Variants in PTPRG observed in about 807,000 individuals in gnomAD.
PTPRG encodes the protein protein tyrosine phosphatase receptor type G.
In PTPRG, 102 loss-of-function variants were observed where a neutral mutation model predicts 165.3. That is an observed-to-expected ratio of 0.62 (90% CI 0.53 to 0.73). The LOEUF (loss-of-function observed/expected upper bound fraction) is 0.73. PTPRG is among the 30% of genes least tolerant of loss of function. The pLI is 0.00. For missense variants in PTPRG, 1,866 were observed against 1,861.4 expected, an observed-to-expected ratio of 1.00 and a Z score of -0.05; for synonymous variants, 675 against 669.5, an observed-to-expected ratio of 1.01 and a Z score of -0.13.
chr3:61,893,160 C>G (rs1344576342), intron 2 of PTPRG, among the ~76,000 whole-genome samples: 1 of 152,116 alleles, frequency 6.6e-6, no homozygotes, highest in African/African-American at 2.4e-5. Flanking sequence ...TTGGAGTGCT[C>G]TCAGTACAGA....
intron 2 of PTPRG, among the ~76,000 whole-genome samples, chr3:61,858,041 T>G (rs2037161938): frequency 6.6e-6 from 1 of 152,252 alleles, no homozygotes; most frequent in Non-Finnish European, 1.5e-5. Flanking sequence ...AACCACTGGC[T>G]TAAACTGATA....
chr3:61,771,141 A>G (rs946328646), intron 2 of PTPRG: 1 of 152,138 alleles, frequency 6.6e-6, no homozygotes, highest in Non-Finnish European at 1.5e-5. Flanking sequence ...TGCCTTTTTT[A>G]TGCAGAACAA....
chr3:61,951,491 C>A (rs951442743), intron 2 of PTPRG, among the ~76,000 whole-genome samples: 3 of 152,092 alleles, frequency 2.0e-5, no homozygotes, highest in African/African-American at 7.2e-5. Context: ...AAGAAGTATT[C>A]TTCTTTGTAT....
chr3:61,689,490 G>C (rs1450963075), intron 1 of PTPRG, among the ~76,000 whole-genome samples: 2 of 152,276 alleles, frequency 1.3e-5, no homozygotes, highest in South Asian at 2.1e-4. Flanking sequence ...TAAATACATA[G>C]GCCATTACTC....
intron 2 of PTPRG, among the ~76,000 whole-genome samples, chr3:61,978,889 G>C (rs1211094878): frequency 6.6e-6 from 1 of 152,134 alleles, no homozygotes; most frequent in Non-Finnish European, 1.5e-5. Context: ...CCGTTTTGGA[G>C]CATGGTTTAG....
chr3:62,242,609 C>T (rs1701186077), intron 14 of PTPRG, among the ~76,000 whole-genome samples: 1 of 152,184 alleles, frequency 6.6e-6, no homozygotes, highest in Non-Finnish European at 1.5e-5. Flanking sequence ...CTTTGTAACT[C>T]TGTGGTCTCT....
At chr3:61,639,947 G>A (rs1702018087) in intron 1 of PTPRG, among the ~76,000 whole-genome samples, 1 of 152,136 alleles carries the variant, frequency 6.6e-6, no homozygotes, top group South Asian at 2.1e-4. Context: ...GAATAGGAGT[G>A]TTGAAAGTGG....
At chr3:62,043,935 G>A (rs1010639076) in intron 4 of PTPRG, among the ~76,000 whole-genome samples, 10 of 152,204 alleles carry the variant, frequency 6.6e-5, no homozygotes, top group African/African-American at 2.4e-4. Flanking sequence ...TAGTTGGCAT[G>A]TACAGGGAGC....
At chr3:62,142,638 A>G (rs761904635) in intron 6 of PTPRG, among the ~76,000 whole-genome samples, 2 of 152,282 alleles carry the variant, frequency 1.3e-5, no homozygotes, top group African/African-American at 2.4e-5. Flanking sequence ...CTTTCTTACC[A>G]TAACTACCCC....
chr3:62,059,446 G>A lies in PTPRG; in HGVS notation c.520-18717G>A, dbSNP rs573404849. On this transcript the variant is annotated intron_variant, in intron 4 of 29. Transcript: ENST00000474889. ...AGAATTCAGCTTTTGATCTTACCTTGTAAGAAATATGGACCGAGACCTGGT... is the reference window on the plus strand; with the variant it reads ...AGAATTCAGCTTTTGATCTTACCTTATAAGAAATATGGACCGAGACCTGGT... Among the ~76,000 whole-genome samples, 87 of 152,336 alleles carry A rather than the reference G, an allele frequency of 5.7e-4. 1 individual carries two copies. Among genetic ancestry groups the A allele is most frequent in the African/African-American group, 2.0e-3 (84 of 41,582 alleles).
intron 1 of PTPRG, among the ~76,000 whole-genome samples, chr3:61,685,278 C>G (rs1703587069): frequency 6.6e-6 from 1 of 152,186 alleles, no homozygotes; most frequent in African/African-American, 2.4e-5. Context: ...AGGAAGACAT[C>G]AAATGCCTTA....
intron 2 of PTPRG, among the ~76,000 whole-genome samples, chr3:61,938,445 T>A (rs1254194925): frequency 6.6e-6 from 1 of 152,206 alleles, no homozygotes; most frequent in East Asian, 1.9e-4. Context: ...TGATGTAAAT[T>A]GAAATTTATT....
At chr3:61,808,314 G>T (rs573602999) in intron 2 of PTPRG, among the ~76,000 whole-genome samples, 1 of 152,308 alleles carries the variant, frequency 6.6e-6, no homozygotes, top group African/African-American at 2.4e-5. Flanking sequence ...TTAAGATGTG[G>T]AGTGAACTGG....
At chr3:61,588,363 A>G (rs750799248) in intron 1 of PTPRG, among the ~76,000 whole-genome samples, 5 of 152,064 alleles carry the variant, frequency 3.3e-5, no homozygotes, top group Non-Finnish European at 5.9e-5. Context: ...CATTCCAGAA[A>G]TACAAAATTT....
intron 4 of PTPRG, among the ~76,000 whole-genome samples, chr3:62,076,753 G>A (rs1378928633): frequency 6.7e-6 from 1 of 150,272 alleles, no homozygotes; most frequent in Non-Finnish European, 1.5e-5. Flanking sequence ...GGCTAATTTT[G>A]TATTTTTTGT....
At chr3:62,145,148 TG>T (rs1408389136) in intron 6 of PTPRG, among the ~76,000 whole-genome samples, 1 of 152,232 alleles carries the variant, frequency 6.6e-6, no homozygotes, top group African/African-American at 2.4e-5. Context: ...CAGACACTAT[TG>T]CGTAGTGGGT....
At chr3:62,275,209 T>G (rs1258078965) in intron 23 of PTPRG, among the ~76,000 whole-genome samples, 2 of 152,206 alleles carry the variant, frequency 1.3e-5, no homozygotes, top group African/African-American at 4.8e-5. Flanking sequence ...ATAAAAGCCT[T>G]AGAACAATGT....
intron 9 of PTPRG, 72 bp downstream of exon 9, chr3:62,191,725 A>G (rs2106807383): frequency 2.1e-6 from 3 of 1,436,874 alleles, no homozygotes; most frequent in Non-Finnish European, 2.9e-6. Context: ...TCTGCCAGGC[A>G]CTGCACAGTG....
intron 6 of PTPRG, among the ~76,000 whole-genome samples, chr3:62,151,561 C>T (rs946378819): frequency 2.0e-5 from 3 of 151,276 alleles, no homozygotes; most frequent in Non-Finnish European, 2.9e-5. Context: ...TGTCTGCATA[C>T]AGCACCCGGG....
Sources: gnomAD v4.1 joint callset for allele counts (sites outside exome capture counted in the v4.1 genomes callset) on GRCh38, gnomAD v4.1.1 for gene constraint, MANE v1.5 for transcripts, NCBI Gene and HGNC (gene_info 2026-07-23, HGNC 2026-07-21) for gene names.